UCN3: variants seen among roughly 807,000 people sequenced by gnomAD.
The protein encoded by UCN3 is urocortin 3.
A neutral mutation model predicts 3.6 loss-of-function variants in UCN3; 3 were observed. The ratio of observed to expected loss-of-function variants is 0.83; its 90% CI spans 0.38 to 2.15. The LOEUF (loss-of-function observed/expected upper bound fraction) is 2.15, where lower values mean the gene tolerates loss of function less well. Ranked by LOEUF, UCN3 falls within the 30% of genes most tolerant of loss-of-function variation. The pLI is 0.06. For synonymous variants in UCN3, 100 were observed against 93.2 expected (o/e 1.07, Z -0.42); for missense variants, 206 against 208.3 (o/e 0.99, Z 0.07).
intron 1 of UCN3, among the ~76,000 whole-genome samples, chr10:5,371,874 TG>T (rs1831432969): frequency 6.6e-6 from 1 of 152,214 alleles, no homozygotes; most frequent in Non-Finnish European, 1.5e-5. Flanking sequence ...TGCTTGCTTT[TG>T]TGAAAGCCAA....
Position 5,367,951 on chromosome 10 carries a change from AG to A in UCN3, c.-7+2724del, listed in dbSNP as rs1453664178. Among the ~76,000 whole-genome samples the A allele has an allele frequency of 1.1e-4, 16 of 152,270 alleles. 1 individual carries two copies. The highest frequency in any genetic ancestry group is 3.9e-4 in the African/African-American group (16 of 41,556). On this transcript the variant is annotated intron_variant, in intron 1 of 1. Transcript: ENST00000380433. This position sits in a 1 kb window ranked among gnomAD's most constrained non-coding sequence, Gnocchi z 4.3. ...GGAGAGAGCCATGTGGAACCCACAGAGGGAGGCCTGAGGGTAGCTCCAGGGT... is the reference window on the plus strand; with the variant it reads ...GGAGAGAGCCATGTGGAACCCACAGAGGAGGCCTGAGGGTAGCTCCAGGGT...
At chr10:5,368,762 C>T (rs1554810920) in intron 1 of UCN3, among the ~76,000 whole-genome samples, 1 of 152,174 alleles carries the variant, frequency 6.6e-6, no homozygotes, top group East Asian at 1.9e-4. Context: ...TGAAAAACAA[C>T]TCATTAGGTC....
chr10:5,371,049 GTGTGTA>G (rs1202031534), intron 1 of UCN3, among the ~76,000 whole-genome samples: 1 of 150,550 alleles, frequency 6.6e-6, no homozygotes, highest in African/African-American at 2.5e-5. Context: ...ATATGTATGT[GTGTGTA>G]TGTATGTACG....
intron 1 of UCN3, among the ~76,000 whole-genome samples, chr10:5,371,791 T>C (rs1223824078): frequency 1.3e-5 from 2 of 152,246 alleles, no homozygotes; most frequent in African/African-American, 2.4e-5. Flanking sequence ...ACTTACCCAA[T>C]TGTTCTTATT....
At chr10:5,370,680 T>TGTATATGC (rs1831385689) in intron 1 of UCN3, among the ~76,000 whole-genome samples, 1 of 98,934 alleles carries the variant, frequency 1.0e-5, no homozygotes, top group African/African-American at 3.4e-5. Flanking sequence ...TGTGTATGTG[T>TGTATATGC]GTGTGTATGT....
Position 5,373,928 on chromosome 10 carries a change from G to A in UCN3, c.208G>A (p.Gly70Arg). 1.2e-6 allele frequency: 2 copies of A among 1,613,074 alleles called. No homozygotes were observed. The highest frequency in any genetic ancestry group is 1.7e-6 in the Non-Finnish European group (2 of 1,179,538). Residue 70 changes from glycine to arginine, a missense_variant, in exon 2 of 2, where the codon GGA becomes AGA. Coordinates refer to ENST00000380433, the MANE Select transcript of UCN3 (RefSeq NM_053049.4). Reference sequence around the variant, plus strand: ...CCTGCGCAGCAGAGACGCCTCTTCGGGAGAGGAGGAGGAGGGCAAAGAGAA... The same window carrying A: ...CCTGCGCAGCAGAGACGCCTCTTCGAGAGAGGAGGAGGAGGGCAAAGAGAA... ...HYLRSRDASSGEEEEGKEKKT... is the reference protein window; with the variant it reads ...HYLRSRDASSREEEEGKEKKT...
Position 5,367,048 on chromosome 10 carries a change from A to T in UCN3, c.-7+1818A>T, listed in dbSNP as rs1397761014. On this transcript the variant is annotated intron_variant, in intron 1 of 1. Coordinates refer to ENST00000380433, the MANE Select transcript of UCN3 (RefSeq NM_053049.4). This position sits in a 1 kb window ranked among gnomAD's most constrained non-coding sequence, Gnocchi z 4.3. Reference sequence around the variant, plus strand: ...TTTTTAAAAGGCACAGTATTTACAAATTGACCCCAAAAATGTGAAAAAGTA... The same window carrying T: ...TTTTTAAAAGGCACAGTATTTACAATTTGACCCCAAAAATGTGAAAAAGTA... Among the ~76,000 whole-genome samples, 1 of 152,214 alleles carries T rather than the reference A, an allele frequency of 6.6e-6. No individual in the cohort carries two copies. Among genetic ancestry groups the T allele is most frequent in the Non-Finnish European group, 1.5e-5 (1 of 68,034 alleles).
intron 1 of UCN3, among the ~76,000 whole-genome samples, chr10:5,370,813 G>A (rs1281002780): frequency 5.0e-4 from 51 of 102,358 alleles, no homozygotes; most frequent in African/African-American, 1.6e-3. Context: ...ATGTGTGTGT[G>A]CGTGTGTGTG....
At position 5,370,735 on chromosome 10, in the gene UCN3, TATGTGTGTGTATATG is replaced by T. The variant is rs1240335412; in HGVS notation, c.-6-2964_-6-2950del. Reference sequence around the variant, plus strand: ...TGATGTGTGTGTATATGCGTGTGTATATGTGTGTGTATATGATGTGTGTGTATATGCGTGTGTATA... The same window carrying T: ...TGATGTGTGTGTATATGCGTGTGTATATGTGTGTGTATATGCGTGTGTATA... On this transcript the variant is annotated intron_variant, in intron 1 of 1. Transcript: ENST00000380433. 9.2e-4 allele frequency among the ~76,000 whole-genome samples: 110 copies of T among 119,050 alleles called. 8 individuals are homozygous for T. The highest frequency in any genetic ancestry group is 3.0e-3 in the African/African-American group (86 of 28,696). 78.1% of individuals were successfully genotyped at this position (119,050 alleles called of 152,430 possible). A position where few individuals can be genotyped will look rare whatever the true frequency, so the allele number is the denominator to read the frequency against.
chr10:5,372,757 G>A (rs1831447986), intron 1 of UCN3, among the ~76,000 whole-genome samples: 2 of 135,804 alleles, frequency 1.5e-5, no homozygotes, highest in South Asian at 2.4e-4. Flanking sequence ...GTCTTACTAT[G>A]TTGCCCAAAC....
intron 1 of UCN3, among the ~76,000 whole-genome samples, chr10:5,370,920 C>CGTGTGTATATGTGTGTGTTTGT (rs1228555166): frequency 3.3e-4 from 36 of 109,894 alleles, no homozygotes; most frequent in Admixed American, 6.8e-4. Context: ...TGTGTATATG[C>CGTGTGTATATGTGTGTGTTTGT]GTGTGTATAT....
At chr10:5,373,673 C>A (rs782407701) in intron 1 of UCN3, 42 bp from the exon 2 acceptor site, 2 of 1,587,802 alleles carry the variant, frequency 1.3e-6, no homozygotes, top group East Asian at 2.2e-5. Flanking sequence ...GAGCACCACG[C>A]CCCTCCCATG....
intron 1 of UCN3, among the ~76,000 whole-genome samples, chr10:5,370,687 A>ATATG (rs1554811311): frequency 2.5e-5 from 1 of 40,338 alleles, no homozygotes; most frequent in Non-Finnish European, 4.8e-5. Context: ...GTGTGTGTGT[A>ATATG]TGTGTGTATA....
intron 1 of UCN3, among the ~76,000 whole-genome samples, chr10:5,372,716 A>ATTT (rs1156663637): frequency 0.16 from 19,916 of 127,504 alleles, 2,068 homozygotes; most frequent in East Asian, 0.29. Flanking sequence ...CGCCCAGCTA[A>ATTT]TTTTTTTTTT....
chr10:5,370,860 T>TGTATGC (rs1831406239), intron 1 of UCN3, among the ~76,000 whole-genome samples: 2 of 122,546 alleles, frequency 1.6e-5, no homozygotes, highest in East Asian at 5.9e-4. Flanking sequence ...CGCGTGTGTG[T>TGTATGC]GCGTGTGTAT....
chr10:5,369,995 A>ATG (rs146206216), intron 1 of UCN3, among the ~76,000 whole-genome samples: 1 of 31,710 alleles, frequency 3.2e-5, no homozygotes, highest in Non-Finnish European at 5.9e-5. Context: ...ATATGTGTGT[A>ATG]TGTGTGTGTG....
Position 5,373,873 on chromosome 10 carries a change from A to G in UCN3, c.153A>G (p.Ala51=). The G allele has an allele frequency of 6.2e-7, 1 of 1,614,086 alleles. No homozygotes were observed. The highest frequency in any genetic ancestry group is 8.5e-7 in the Non-Finnish European group (1 of 1,179,976). Residue 51 remains alanine (A), a synonymous_variant, in exon 2 of 2, where the codon GCA becomes GCG. Coordinates refer to ENST00000380433, the MANE Select transcript of UCN3 (RefSeq NM_053049.4). The part of the protein sequence containing the change: ...SEAEKGQWED[A]SLLSKRSFHY... ...CTGAGAAGGGCCAGTGGGAGGATGC[A>G]TCCCTGCTGAGCAAGAGGAGCTTCC...
intron 1 of UCN3, among the ~76,000 whole-genome samples, chr10:5,368,196 G>T (rs1834134145): frequency 6.6e-6 from 1 of 151,996 alleles, no homozygotes; most frequent in Non-Finnish European, 1.5e-5. Context: ...TAGAGACAGG[G>T]TTTCACTATG....
intron 1 of UCN3, among the ~76,000 whole-genome samples, chr10:5,372,151 C>T: frequency 6.6e-6 from 1 of 152,184 alleles, no homozygotes; most frequent in East Asian, 1.9e-4. Context: ...AATAAATAAA[C>T]GTGATGTCCT....
Sources: gnomAD v4.1 joint callset for allele counts (sites outside exome capture counted in the v4.1 genomes callset) on GRCh38, gnomAD v4.1.1 for gene constraint, Gnocchi (gnomAD v3.1) non-coding constraint, MANE v1.5 for transcripts, NCBI Gene and HGNC (gene_info 2026-07-23, HGNC 2026-07-21) for gene names.